Variants in BRD10 observed in about 807,000 individuals in gnomAD.
BRD10 encodes the protein uncharacterized bromodomain-containing protein 10.
chr9:5,955,435 C>T, the BRD10 span, among the ~76,000 whole-genome samples: 1 of 152,152 alleles, frequency 6.6e-6, no homozygotes, highest in Admixed American at 6.5e-5. Flanking sequence ...CTTTGCTGTA[C>T]ATAATCCTAA....
At chr9:5,907,108 C>A in the BRD10 span, 1 of 665,692 alleles carries the variant, frequency 1.5e-6, no homozygotes, top group Non-Finnish European at 2.4e-6. Flanking sequence ...TACTCATTGC[C>A]ACTGAACTAT....
chr9:5,919,575 C>CACACAT, the BRD10 span: 1 of 940,698 alleles, frequency 1.1e-6, no homozygotes, highest in Non-Finnish European at 1.6e-6. Flanking sequence ...CACACACACA[C>CACACAT]ACACACACAA....
chr9:5,936,906 T>C, the BRD10 span, among the ~76,000 whole-genome samples: 6 of 152,190 alleles, frequency 3.9e-5, no homozygotes, highest in Admixed American at 1.3e-4. Flanking sequence ...AAATTACTTA[T>C]ATTTGAATAA....
the BRD10 span, among the ~76,000 whole-genome samples, chr9:5,934,358 C>CTTTTTTTTTT: frequency 7.7e-6 from 1 of 129,996 alleles, no homozygotes. Flanking sequence ...TTACGCTTTT[C>CTTTTTTTTTT]TTTTTTTTTT....
chr9:5,891,473 G>T, the BRD10 span, among the ~76,000 whole-genome samples: 1 of 152,106 alleles, frequency 6.6e-6, no homozygotes, highest in Non-Finnish European at 1.5e-5. Context: ...AGTGGAAAGG[G>T]GTCATGTGTC....
chr9:5,907,293 T>C, the BRD10 span: 4 of 193,930 alleles, frequency 2.1e-5, no homozygotes, highest in African/African-American at 9.3e-5. Flanking sequence ...AGGAAGAATT[T>C]AGTCCTGGAT....
chr9:5,952,472 CT>C, the BRD10 span, among the ~76,000 whole-genome samples: 1 of 151,996 alleles, frequency 6.6e-6, no homozygotes, highest in African/African-American at 2.4e-5. Context: ...ATTCACACTG[CT>C]ATGTGTAGCA....
chr9:5,968,600 T>G, the BRD10 span: 1 of 1,613,878 alleles, frequency 6.2e-7, no homozygotes. Flanking sequence ...GCAAGCTGGA[T>G]CAAAATTATT....
At chr9:5,906,404 T>TCC in the BRD10 span, among the ~76,000 whole-genome samples, 1 of 152,162 alleles carries the variant, frequency 6.6e-6, no homozygotes, top group Non-Finnish European at 1.5e-5. Context: ...TTCTTGGATG[T>TCC]TCTTCCTTTA....
the BRD10 span, among the ~76,000 whole-genome samples, chr9:5,943,092 G>C: frequency 6.6e-6 from 1 of 152,054 alleles, no homozygotes; most frequent in Non-Finnish European, 1.5e-5. Flanking sequence ...GTCCAAGTTG[G>C]TCTCGAGCTC....
the BRD10 span, among the ~76,000 whole-genome samples, chr9:5,979,479 G>C: frequency 1.3e-5 from 2 of 151,620 alleles, no homozygotes; most frequent in African/African-American, 4.8e-5. Flanking sequence ...CATCATGCCA[G>C]CCTGGGAGAC....
At chr9:5,981,258 GC>G in the BRD10 span, among the ~76,000 whole-genome samples, 5 of 152,224 alleles carry the variant, frequency 3.3e-5, no homozygotes, top group Admixed American at 6.5e-5. Context: ...TCATGAGGTT[GC>G]CTTGGGCTTT....
chr9:5,883,446 C>T, the BRD10 span, among the ~76,000 whole-genome samples: 65 of 143,770 alleles, frequency 4.5e-4, no homozygotes, highest in African/African-American at 1.5e-3. Flanking sequence ...ACAACTTCAT[C>T]CTATTCCTTC....
chr9:5,955,292 A>G, the BRD10 span, among the ~76,000 whole-genome samples: 1 of 152,098 alleles, frequency 6.6e-6, no homozygotes, highest in African/African-American at 2.4e-5. Context: ...GGAGCTTACA[A>G]TCTACACAAG....
At chr9:6,005,741 T>G in the BRD10 span, among the ~76,000 whole-genome samples, 2 of 152,234 alleles carry the variant, frequency 1.3e-5, no homozygotes, top group South Asian at 2.1e-4. Flanking sequence ...ATGGATTGTT[T>G]TTTATGTGAG....
the BRD10 span, chr9:5,954,085 G>A: frequency 5.2e-6 from 8 of 1,542,354 alleles, no homozygotes; most frequent in African/African-American, 2.7e-5. Flanking sequence ...TTTTAGAGAC[G>A]GATTTTTTTC....
At chr9:5,970,678 T>G in the BRD10 span, among the ~76,000 whole-genome samples, 12 of 152,254 alleles carry the variant, frequency 7.9e-5, no homozygotes, top group Non-Finnish European at 1.6e-4. Flanking sequence ...TTGTAAATTA[T>G]GTACTTAATA....
the BRD10 span, among the ~76,000 whole-genome samples, chr9:5,995,498 A>G: frequency 2.0e-5 from 3 of 152,342 alleles, no homozygotes; most frequent in South Asian, 4.1e-4. Context: ...TAGCATATAA[A>G]CAAGTCCAAG....
At chr9:5,948,495 T>C in the BRD10 span, among the ~76,000 whole-genome samples, 2 of 151,712 alleles carry the variant, frequency 1.3e-5, no homozygotes, top group African/African-American at 2.4e-5. Flanking sequence ...GGAGGCCCTG[T>C]AGAGATAAAA....
Sources: gnomAD v4.1 joint callset for allele counts (sites outside exome capture counted in the v4.1 genomes callset) on GRCh38, gnomAD v4.1.1 for gene constraint, MANE v1.5 for transcripts, NCBI Gene and HGNC (gene_info 2026-07-23, HGNC 2026-07-21) for gene names.